The following FBXO36 variants were observed in gnomAD, a reference collection of about 807,000 sequenced individuals.
FBXO36 encodes the protein F-box only protein 36.
A neutral mutation model predicts 17.0 loss-of-function variants in FBXO36; 18 were observed. The ratio of observed to expected loss-of-function variants is 1.06; its 90% CI spans 0.73 to 1.57. The LOEUF (loss-of-function observed/expected upper bound fraction) is 1.57, where lower values mean the gene tolerates loss of function less well. Among genes scored for constraint, FBXO36 ranks in the 40% most tolerant of loss-of-function variants. The pLI is 0.00. For synonymous variants in FBXO36, 83 were observed against 85.3 expected (o/e 0.97, Z 0.15); for missense variants, 229 against 221.9 (o/e 1.03, Z -0.20).
intron 2 of FBXO36, among the ~76,000 whole-genome samples, chr2:229,979,599 G>C (rs1184989739): frequency 1.3e-5 from 2 of 151,918 alleles, no homozygotes; most frequent in African/African-American, 2.4e-5. Context: ...GGCCAACATG[G>C]TGAAACCCTG....
chr2:229,976,526 CAT>C (rs1252175894), intron 2 of FBXO36, 177 bp downstream of exon 2: 2 of 550,348 alleles, frequency 3.6e-6, no homozygotes, highest in African/African-American at 1.9e-5. Flanking sequence ...TCTTGGAAAA[CAT>C]ATTAGCATTT....
In FBXO36 at chr2:229,923,207, G is replaced by T. The variant is rs1293801956; in HGVS notation, c.96+598G>T. On this transcript the variant is annotated intron_variant, in intron 1 of 3. Transcript: ENST00000283946. The stretch of plus-strand genomic sequence containing the variant: ...CGGGTGGTGGTATAAAAATGTTTCA[G>T]CTGCTCTGCGCTTCAGCCCCACCCA... The T allele has an allele frequency of 4.6e-5, 7 of 152,010 alleles. No homozygotes were observed. In the East Asian group the frequency reaches 1.4e-3, roughly 29 times the overall value. 9.4% of individuals were successfully genotyped at this position (152,010 alleles called of 1,614,324 possible). A position where few individuals can be genotyped will look rare whatever the true frequency, so the allele number is the denominator to read the frequency against.
intron 1 of FBXO36, among the ~76,000 whole-genome samples, chr2:229,971,617 T>C (rs1017774140): frequency 4.6e-5 from 7 of 152,170 alleles, no homozygotes; most frequent in Admixed American, 4.6e-4. Context: ...GGTGGGCAAT[T>C]GAATTCTCTG....
intron 3 of FBXO36, among the ~76,000 whole-genome samples, chr2:230,001,288 T>C (rs996341958): frequency 6.6e-6 from 1 of 152,030 alleles, no homozygotes; most frequent in African/African-American, 2.4e-5. Flanking sequence ...CTTTTTCTTT[T>C]TTCTTTTTTT....
At chr2:229,959,534 C>T (rs1187334798) in intron 1 of FBXO36, among the ~76,000 whole-genome samples, 1 of 152,050 alleles carries the variant, frequency 6.6e-6, no homozygotes, top group Non-Finnish European at 1.5e-5. Flanking sequence ...TGTAATAGAA[C>T]ATTTTTCTAT....
At chr2:229,952,117 T>C (rs1417299431) in intron 1 of FBXO36, among the ~76,000 whole-genome samples, 2 of 152,252 alleles carry the variant, frequency 1.3e-5, no homozygotes, top group Middle Eastern at 3.2e-3. Flanking sequence ...CATTGCTTTA[T>C]TTTAAATTGT....
intron 1 of FBXO36, among the ~76,000 whole-genome samples, chr2:229,953,873 T>C (rs2077070209): frequency 6.6e-6 from 1 of 152,132 alleles, no homozygotes; most frequent in South Asian, 2.1e-4. Context: ...TATTTCTTTT[T>C]TTTTAAATTT....
intron 1 of FBXO36, among the ~76,000 whole-genome samples, chr2:229,954,233 G>GTTTTTTTTTTTTTTTTTT (rs1283205428): frequency 3.0e-5 from 1 of 33,120 alleles, no homozygotes; most frequent in African/African-American, 7.5e-5. Flanking sequence ...AAACCCTTTG[G>GTTTTTTTTTTTTTTTTTT]ATTTTTTTTT....
rs1480531428 is a variant in FBXO36 at position 230,011,222 on chromosome 2, GACA to G, written c.*339_*341del. On this transcript the variant is annotated 3_prime_UTR_variant, in exon 4 of 4. Transcript: ENST00000283946. ...AATGATTATTAGCAGGTTTTTATTAGACATCTATTTTATCTAGGCATTAGAAAG... is the reference window on the plus strand; with the variant it reads ...AATGATTATTAGCAGGTTTTTATTAGTCTATTTTATCTAGGCATTAGAAAG... 6.0e-6 allele frequency: 1 copy of G among 167,148 alleles called. No individual in the cohort carries two copies. The highest frequency in any genetic ancestry group is 1.3e-5 in the Non-Finnish European group (1 of 77,852). The allele number at this position is 167,148 out of a possible 1,614,324, so 10.4% of individuals were successfully genotyped here.
At position 229,968,963 on chromosome 2, in the gene FBXO36, G is replaced by A. The variant is rs192965034; in HGVS notation, c.97-7278G>A. Among the ~76,000 whole-genome samples, 855 of 151,758 alleles carry A rather than the reference G, an allele frequency of 5.6e-3. 5 individuals are homozygous for A. Among genetic ancestry groups the A allele is most frequent in the African/African-American group, 0.019 (803 of 41,344 alleles). The stretch of plus-strand genomic sequence containing the variant: ...TAATTTTTGTGTTTTTAGTAGAGAC[G>A]GGGTTTCACCATGTTGGCCAGGCTG... On this transcript the variant is annotated intron_variant, in intron 1 of 3. Transcript: ENST00000283946.
chr2:229,950,218 G>A (rs551272105), intron 1 of FBXO36, among the ~76,000 whole-genome samples: 10 of 152,110 alleles, frequency 6.6e-5, no homozygotes, highest in African/African-American at 2.2e-4. Flanking sequence ...ACGAGGTCAG[G>A]GGTTCGAGAC....
intron 2 of FBXO36, among the ~76,000 whole-genome samples, chr2:229,978,736 T>C (rs2077222849): frequency 6.6e-6 from 1 of 151,566 alleles, no homozygotes; most frequent in African/African-American, 2.4e-5. Context: ...TAAATATTAT[T>C]GCCATGAAAT....
chr2:229,996,702 T>C (rs773267242), intron 2 of FBXO36, 49 bp from the exon 3 acceptor site: 1 of 1,534,190 alleles, frequency 6.5e-7, no homozygotes, highest in South Asian at 1.3e-5. Flanking sequence ...GTTATTATAA[T>C]TTTTATGTGA....
At chr2:229,943,997 C>G (rs985368198) in intron 1 of FBXO36, among the ~76,000 whole-genome samples, 1 of 152,112 alleles carries the variant, frequency 6.6e-6, no homozygotes, top group African/African-American at 2.4e-5. Context: ...AGCACCTCCC[C>G]CTTCTCTCTG....
At chr2:229,964,501 T>C (rs1334128227) in intron 1 of FBXO36, among the ~76,000 whole-genome samples, 1 of 152,224 alleles carries the variant, frequency 6.6e-6, no homozygotes, top group Non-Finnish European at 1.5e-5. Context: ...CAACTGTTAT[T>C]GCATGTATCA....
chr2:229,990,234 A>G (rs2077291705), intron 2 of FBXO36, among the ~76,000 whole-genome samples: 1 of 148,628 alleles, frequency 6.7e-6, no homozygotes, highest in Non-Finnish European at 1.5e-5. Flanking sequence ...TATATATGAT[A>G]TATCTTATAT....
intron 3 of FBXO36, among the ~76,000 whole-genome samples, chr2:230,006,134 CTT>C (rs1377221286): frequency 2.3e-5 from 3 of 131,020 alleles, no homozygotes; most frequent in Non-Finnish European, 4.7e-5. Context: ...GAGGCAGACT[CTT>C]GCTCTGTTGC....
intron 3 of FBXO36, among the ~76,000 whole-genome samples, chr2:229,999,499 GTATA>G (rs201480766): frequency 7.2e-6 from 1 of 139,848 alleles, no homozygotes; most frequent in African/African-American, 2.7e-5. Flanking sequence ...ATATATATAT[GTATA>G]TATATATATA....
chr2:229,972,922 C>T (rs958769890), intron 1 of FBXO36, among the ~76,000 whole-genome samples: 5 of 151,378 alleles, frequency 3.3e-5, no homozygotes, highest in East Asian at 1.9e-4. Context: ...ATTAGCCAGG[C>T]GTGGTGGCGT....
Sources: allele counts gnomAD v4.1 joint callset (sites outside exome capture counted in the v4.1 genomes callset), GRCh38; gene constraint gnomAD v4.1.1; transcripts MANE v1.5; gene names NCBI Gene and HGNC (gene_info 2026-07-23, HGNC 2026-07-21).